The following GPR89A variants were observed in gnomAD, a reference collection of about 807,000 sequenced individuals.
GPR89A encodes G protein-coupled receptor 89A.
Under a neutral mutation model 52.0 loss-of-function variants are expected in GPR89A, and 16 were observed. That is an observed-to-expected ratio of 0.31 (90% CI 0.21 to 0.47). The LOEUF (loss-of-function observed/expected upper bound fraction) is 0.47. Among genes scored for constraint, GPR89A ranks in the 20% least tolerant of loss-of-function variants. GPR89A has a pLI of 1.00. For missense variants in GPR89A, 135 were observed against 449.4 expected, an observed-to-expected ratio of 0.30 and a Z score of 6.33; for synonymous variants, 55 against 150.9, an observed-to-expected ratio of 0.36 and a Z score of 4.66.
intron 2 of GPR89A, 66 bp from the exon 3 acceptor site, chr1:145,618,251 CAGA>C (rs1381991389): frequency 8.1e-6 from 13 of 1,612,412 alleles, no homozygotes; most frequent in Non-Finnish European, 1.1e-5. Context: ...GACTTGTAAC[CAGA>C]AGGAGGTTAT....
chr1:145,624,516 CTATA>C (rs1292679716), intron 5 of GPR89A, among the ~76,000 whole-genome samples: 5 of 147,108 alleles, frequency 3.4e-5, no homozygotes, highest in East Asian at 1.9e-4. Flanking sequence ...TTAAAAAAAT[CTATA>C]TATATATACC....
At chr1:145,625,259 G>C (rs1178270580) in intron 5 of GPR89A, among the ~76,000 whole-genome samples, 7 of 149,952 alleles carry the variant, frequency 4.7e-5, no homozygotes, top group Non-Finnish European at 1.0e-4. Context: ...CAAACTCTTA[G>C]GTGGCGTATG....
At chr1:145,642,762 T>A (rs1553691919) in intron 7 of GPR89A, among the ~76,000 whole-genome samples, 1 of 151,478 alleles carries the variant, frequency 6.6e-6, no homozygotes, top group Non-Finnish European at 1.5e-5. Context: ...TTTATTAGAC[T>A]CATCCTAGTT....
At chr1:145,662,951 T>C (rs1373768199) in intron 10 of GPR89A, among the ~76,000 whole-genome samples, 1 of 151,922 alleles carries the variant, frequency 6.6e-6, no homozygotes, top group African/African-American at 2.4e-5. Context: ...TTTTCTGTTA[T>C]TTTAGTATTT....
intron 7 of GPR89A, among the ~76,000 whole-genome samples, chr1:145,641,260 A>G (rs1170005726): frequency 2.0e-5 from 3 of 151,618 alleles, no homozygotes; most frequent in African/African-American, 7.3e-5. Context: ...AAGAATATAT[A>G]CCGTATGATT....
intron 12 of GPR89A, 21 bp from the exon 13 acceptor site, chr1:145,669,604 C>A (rs2799115): frequency 6.2e-7 from 1 of 1,605,806 alleles, no homozygotes. Flanking sequence ...TGCATAAATT[C>A]ATCTCCCTCT....
intron 5 of GPR89A, among the ~76,000 whole-genome samples, chr1:145,626,110 G>A (rs1649479811): frequency 6.6e-6 from 1 of 150,662 alleles, no homozygotes; most frequent in Admixed American, 6.6e-5. Flanking sequence ...GCACTAAAGA[G>A]TCCTGGTAGT....
intron 10 of GPR89A, among the ~76,000 whole-genome samples, chr1:145,660,679 T>G (rs1309187392): frequency 1.3e-4 from 20 of 151,876 alleles, no homozygotes; most frequent in Non-Finnish European, 2.5e-4. Flanking sequence ...AGAAGACTTT[T>G]ATGCCGCCAA....
At chr1:145,614,726 T>G (rs1553686681) in intron 1 of GPR89A, among the ~76,000 whole-genome samples, 2 of 152,170 alleles carry the variant, frequency 1.3e-5, no homozygotes, top group Admixed American at 6.5e-5. Flanking sequence ...AAAACAGGAT[T>G]ATATAAAAAG....
At chr1:145,642,869 C>T (rs1407785561) in intron 7 of GPR89A, among the ~76,000 whole-genome samples, 2 of 151,620 alleles carry the variant, frequency 1.3e-5, no homozygotes, top group African/African-American at 4.9e-5. Context: ...CTGTTGATAC[C>T]TTTGTGGTGA....
intron 10 of GPR89A, among the ~76,000 whole-genome samples, chr1:145,657,889 C>T (rs1553694785): frequency 2.0e-5 from 3 of 150,026 alleles, no homozygotes; most frequent in African/African-American, 4.9e-5. Context: ...ATACAATATA[C>T]TCATTTAGTG....
rs1373213016 is a variant in GPR89A at position 145,608,045 on chromosome 1, G to A, written c.-89G>A. ...GTCCCGGCTGCAGCACCTGGGAGAA[G>A]GCAGACCGTGTGAGGGGGCCTGTGG... On this transcript the variant is annotated 5_prime_UTR_variant, in exon 1 of 14. Coordinates refer to ENST00000313835, the MANE Select transcript of GPR89A (RefSeq NM_001097612.2). 7.9e-5 allele frequency: 121 copies of A among 1,523,550 alleles called. 1 individual carries two copies. Among genetic ancestry groups the A allele is most frequent in the Non-Finnish European group, 1.0e-4 (114 of 1,105,840 alleles). The allele number at this position is 1,523,550 out of a possible 1,614,324, so 94.4% of individuals were successfully genotyped here.
intron 1 of GPR89A, among the ~76,000 whole-genome samples, chr1:145,611,890 T>G (rs587666139): frequency 6.6e-6 from 1 of 152,038 alleles, no homozygotes; most frequent in South Asian, 2.1e-4. Context: ...CCTTTCCTTT[T>G]CTGCTTGATC....
At chr1:145,647,016 A>G (rs1651038667) in intron 9 of GPR89A, 159 bp from the exon 10 acceptor site, 1 of 1,050,758 alleles carries the variant, frequency 9.5e-7, no homozygotes, top group Non-Finnish European at 1.4e-6. Flanking sequence ...GCAAGCATTC[A>G]GTAAATGCTG....
chr1:145,662,006 T>C (rs1474464079), intron 10 of GPR89A, among the ~76,000 whole-genome samples: 2 of 152,162 alleles, frequency 1.3e-5, no homozygotes, highest in African/African-American at 4.8e-5. Flanking sequence ...TTGTATGATA[T>C]GAATCTTTTA....
In GPR89A at chr1:145,623,167, A is replaced by G; in HGVS notation, c.313+7A>G. 1.2e-6 allele frequency: 2 copies of G among 1,613,174 alleles called. No homozygotes were observed. The highest frequency in any genetic ancestry group is 1.7e-6 in the Non-Finnish European group (2 of 1,179,372). On this transcript the variant is annotated splice_region_variant and intron_variant, in intron 4 of 13. Coordinates refer to ENST00000313835, the MANE Select transcript of GPR89A (RefSeq NM_001097612.2). Reference sequence around the variant, plus strand: ...GTGAGCAATATCCGACTACGTAAGTATTTTACCCTCTCAGTCAGCATATAG... The same window carrying G: ...GTGAGCAATATCCGACTACGTAAGTGTTTTACCCTCTCAGTCAGCATATAG...
chr1:145,619,556 G>A (rs1212175983), intron 3 of GPR89A, among the ~76,000 whole-genome samples: 2 of 152,098 alleles, frequency 1.3e-5, no homozygotes, highest in Non-Finnish European at 2.9e-5. Flanking sequence ...AGGATATGCA[G>A]TGAGCTGTGA....
chr1:145,647,875 CTCTCTATATATATATA>C (rs1651151494), intron 10 of GPR89A, among the ~76,000 whole-genome samples: 7 of 64,512 alleles, frequency 1.1e-4, no homozygotes, highest in Non-Finnish European at 1.7e-4. Context: ...CTCTCTCTCT[CTCTCTATATATATATA>C]TATATATATA....
intron 5 of GPR89A, among the ~76,000 whole-genome samples, chr1:145,629,683 T>G (rs1382803407): frequency 6.6e-6 from 1 of 151,756 alleles, no homozygotes; most frequent in Admixed American, 6.6e-5. Context: ...AGAAGGAAGA[T>G]AGTAGGAGAT....
Sources: gnomAD v4.1 joint callset for allele counts (sites outside exome capture counted in the v4.1 genomes callset) on GRCh38, gnomAD v4.1.1 for gene constraint, MANE v1.5 for transcripts, NCBI Gene and HGNC (gene_info 2026-07-23, HGNC 2026-07-21) for gene names.